Variants in SLC26A6 observed in about 807,000 individuals in gnomAD.
The protein encoded by SLC26A6 is anion exchange transporter.
In SLC26A6, 67 loss-of-function variants were observed where a neutral mutation model predicts 87.1. The ratio of observed to expected loss-of-function variants is 0.77; its 90% CI spans 0.63 to 0.94. The LOEUF is 0.94. Among genes scored for constraint, SLC26A6 ranks in the 40% least tolerant of loss-of-function variants. SLC26A6 has a pLI of 0.00. For missense variants in SLC26A6, 902 were observed against 973.0 expected (o/e 0.93, Z 0.97); for synonymous variants, 414 against 405.9 (o/e 1.02, Z -0.24).
At chr3:48,633,765 C>A (rs563160403) in intron 1 of SLC26A6, 130 bp from the exon 2 acceptor site, 23 of 1,490,578 alleles carry the variant, frequency 1.5e-5, no homozygotes, top group Non-Finnish European at 2.0e-5. Context: ...AGTATTCCAG[C>A]CCCCAGCTGG....
intron 4 of SLC26A6, 188 bp from the exon 5 acceptor site, chr3:48,632,584 G>A: frequency 1.3e-6 from 1 of 788,430 alleles, no homozygotes; most frequent in South Asian, 1.5e-5. Flanking sequence ...GAGCTCACAG[G>A]CCCTTAAGCA....
intron 7 of SLC26A6, 63 bp from the exon 8 acceptor site, chr3:48,631,369 C>G: frequency 6.8e-7 from 1 of 1,467,000 alleles, no homozygotes; most frequent in Non-Finnish European, 9.1e-7. Context: ...GACACATAAA[C>G]CACTGTGAGG....
chr3:48,632,126 G>A (rs1356523291), intron 5 of SLC26A6, 82 bp from the exon 6 acceptor site: 2 of 1,592,466 alleles, frequency 1.3e-6, no homozygotes, highest in Non-Finnish European at 8.6e-7. Flanking sequence ...GGGATGGGAG[G>A]GGGATGAGTA....
At chr3:48,629,170 G>A (rs375525206) in intron 14 of SLC26A6, among the ~76,000 whole-genome samples, 14 of 152,070 alleles carry the variant, frequency 9.2e-5, no homozygotes, top group South Asian at 8.3e-4. Flanking sequence ...ATTCCTCCCC[G>A]CACTGCCTAA....
At chr3:48,631,440 GAGAC>G (rs1298692994) in intron 7 of SLC26A6, 134 bp from the exon 8 acceptor site, 8 of 1,145,894 alleles carry the variant, frequency 7.0e-6, no homozygotes, top group South Asian at 6.5e-5. Context: ...CGTAGGGTGA[GAGAC>G]AGGCAACACC....
chr3:48,626,646 T>C lies in SLC26A6; in HGVS notation c.2113A>G (p.Met705Val), dbSNP rs1348803987. ...CCCTACTCACTGTGGCAGGCCGCCATGTACACCTCCACCTCAATCTCCCGG... is the reference window on the plus strand; with the variant it reads ...CCCTACTCACTGTGGCAGGCCGCCACGTACACCTCCACCTCAATCTCCCGG... ...DFREIEVEVY[M>V]AACHSPVVSQ... The change falls in exon 19 of 21, where the codon ATG (methionine) becomes GTG (valine). Residue 705 changes from methionine (M) to valine (V), a missense_variant. By Grantham distance (21) the Met-to-Val change is conservative (BLOSUM62 1). Coordinates refer to ENST00000395550, the MANE Select transcript of SLC26A6 (RefSeq NM_022911.3). 5.6e-6 allele frequency: 9 copies of C among 1,614,006 alleles called. No homozygotes were observed. Among genetic ancestry groups the C allele is most frequent in the East Asian group, 2.2e-5 (1 of 44,882 alleles).
Position 48,628,771 on chromosome 3 carries a change from G to C in SLC26A6, c.1600-57C>G. The C allele has an allele frequency of 6.4e-7, 1 of 1,572,356 alleles. No homozygotes were observed. The highest frequency in any genetic ancestry group is 8.7e-7 in the Non-Finnish European group (1 of 1,155,540). ...ATCTCCTCTCTCCTGGCTGCATCCTGTTCTCCTGCCTTTCCTTCCCTAGTG... is the reference window on the plus strand; with the variant it reads ...ATCTCCTCTCTCCTGGCTGCATCCTCTTCTCCTGCCTTTCCTTCCCTAGTG... On this transcript the variant is annotated intron_variant, in intron 14 of 20. Transcript: ENST00000395550. This position sits in a 1 kb window ranked among gnomAD's most constrained non-coding sequence, Gnocchi z 4.4.
Position 48,631,110 on chromosome 3 carries a change from CTGGG to C in SLC26A6, c.1013_1016del (p.Thr338SerfsTer30), listed in dbSNP as rs748765839. 13 of 1,613,716 alleles carry C rather than the reference CTGGG, an allele frequency of 8.1e-6. No homozygotes were observed. In the East Asian group the frequency reaches 2.9e-4, roughly 36 times the overall value. ...CGCTGCCCACGAGCTTTGAGAACAG[CTGGG>C]TGTTGGGGGCCACTGGGGGCACCAG... On this transcript the variant is annotated frameshift_variant, in exon 9 of 21. Transcript: ENST00000395550. LOFTEE classifies it high-confidence loss of function.
chr3:48,634,694 C>G (rs765941186), intron 1 of SLC26A6: 1 of 984,308 alleles, frequency 1.0e-6, no homozygotes, highest in Admixed American at 6.1e-5. Context: ...AAGCCCTGAC[C>G]TGGGGAGAGG....
In SLC26A6 at chr3:48,630,133, C is replaced by G. The variant is rs780553286; in HGVS notation, c.1351G>C (p.Val451Leu). 2 of 1,609,616 alleles carry G rather than the reference C, an allele frequency of 1.2e-6. No homozygotes were observed. Among genetic ancestry groups the G allele is most frequent in the African/African-American group, 2.7e-5 (2 of 74,954 alleles). Residue 451 changes from valine (V) to leucine (L), a missense_variant, in exon 12 of 21, where the codon GTG becomes CTG. Physicochemically the swap from Val to Leu is conservative, Grantham distance 32 (BLOSUM62 1). Coordinates refer to ENST00000395550, the MANE Select transcript of SLC26A6 (RefSeq NM_022911.3). ...TGCCTCAGCATGCCCTTCAGGTTCACAATGATGATGGCTGCCAGGACCGCC... is the reference window on the plus strand; with the variant it reads ...TGCCTCAGCATGCCCTTCAGGTTCAGAATGATGATGGCTGCCAGGACCGCC... Reference protein sequence around the residue: ...PKAVLAAIIIVNLKGMLRQLS... With the variant: ...PKAVLAAIIILNLKGMLRQLS...
At position 48,633,581 on chromosome 3, in the gene SLC26A6, C is replaced by T. The variant is rs2046873853; in HGVS notation, c.78G>A (p.Arg26=). The T allele has an allele frequency of 6.2e-7, 1 of 1,613,436 alleles. No homozygotes were observed. The highest frequency in any genetic ancestry group is 1.3e-5 in the African/African-American group (1 of 74,922). The change falls in exon 2 of 21, where the codon AGG becomes AGA. Residue 26 remains arginine, a synonymous_variant. Transcript: ENST00000395550. ...LSATQAMDLR[R]RDYHMERPLL... is the part of the protein sequence containing the mutation. ...GCGGCCGTTCCATGTGGTAGTCTCG[C>T]CTCCGCAGGTCCATTGCTTGTGTTG...
Position 48,627,072 on chromosome 3 carries a change from GC to G in SLC26A6, c.1894-18del. On this transcript the variant is annotated intron_variant, in intron 17 of 20. Transcript: ENST00000395550. Reference sequence around the variant, plus strand: ...GCTCACCTGCTGGGGAGCCAGACATGCTGCCAGGGCCACCCATGAGAGAGTG... The same window carrying G: ...GCTCACCTGCTGGGGAGCCAGACATGTGCCAGGGCCACCCATGAGAGAGTG... The G allele has an allele frequency of 6.2e-7, 1 of 1,608,168 alleles. No individual in the cohort carries two copies. Among genetic ancestry groups the G allele is most frequent in the South Asian group, 1.1e-5 (1 of 90,242 alleles).
rs779419583 is a variant in SLC26A6 at position 48,631,644 on chromosome 3, C to T, written c.903+5G>A. Reference sequence around the variant, plus strand: ...CCCCTGCCCTCCACTCCCTGGCCCTCGAACCGTGAGCAGCTCCCCGGGTAT... The same window carrying T: ...CCCCTGCCCTCCACTCCCTGGCCCTTGAACCGTGAGCAGCTCCCCGGGTAT... On this transcript the variant is annotated splice_donor_5th_base_variant and intron_variant, in intron 7 of 20. Coordinates refer to ENST00000395550, the MANE Select transcript of SLC26A6 (RefSeq NM_022911.3). The T allele has an allele frequency of 5.6e-6, 9 of 1,612,004 alleles. No homozygotes were observed. The Middle Eastern group carries it at 6.6e-4, about 118-fold the overall frequency.
chr3:48,626,053 A>C (rs1385321707), intron 20 of SLC26A6, 53 bp from the exon 21 acceptor site: 34 of 1,612,988 alleles, frequency 2.1e-5, no homozygotes, highest in Non-Finnish European at 6.8e-6. Context: ...GACACAGACC[A>C]ACCCCCGCCC....
rs1271433119 is a variant in SLC26A6 at position 48,634,816 on chromosome 3, A to C, written c.23+555T>G. 4 of 909,540 alleles carry C rather than the reference A, an allele frequency of 4.4e-6. No homozygotes were observed. The South Asian group carries it at 1.5e-4, about 35-fold the overall frequency. The allele number at this position is 909,540 out of a possible 1,614,324, so 56.3% of individuals were successfully genotyped here. A position where few individuals can be genotyped will look rare whatever the true frequency, so the allele number is the denominator to read the frequency against. On this transcript the variant is annotated intron_variant, in intron 1 of 20. Coordinates refer to ENST00000395550, the MANE Select transcript of SLC26A6 (RefSeq NM_022911.3). ...ATCCTCAGAGACTCTTGGGACCGCTATCTCAAGGAGATCGTAGAGCCCCCT... is the reference window on the plus strand; with the variant it reads ...ATCCTCAGAGACTCTTGGGACCGCTCTCTCAAGGAGATCGTAGAGCCCCCT...
Position 48,626,678 on chromosome 3 carries a change from T to C in SLC26A6, c.2081A>G (p.His694Arg), listed in dbSNP as rs387907500. 9 of 1,613,866 alleles carry C rather than the reference T, an allele frequency of 5.6e-6. No individual in the cohort carries two copies. The South Asian group carries it at 9.9e-5, about 18-fold the overall frequency. The change falls in exon 19 of 21, where the codon CAT becomes CGT. Residue 694 changes from histidine to arginine, a missense_variant. His to Arg is a conservative substitution (Grantham distance 29). Transcript: ENST00000395550. ...CTCCACCTCAATCTCCCGGAAGTCA[T>C]GGAAAATCTGTAGCGGAAAAGGGGG... Reference protein sequence around the residue: ...VCLKSLKNIFHDFREIEVEVY... With the variant: ...VCLKSLKNIFRDFREIEVEVY...
intron 7 of SLC26A6, 124 bp downstream of exon 7, chr3:48,631,522 CCCA>C: frequency 7.7e-7 from 1 of 1,295,120 alleles, no homozygotes; most frequent in Middle Eastern, 2.2e-4. Flanking sequence ...TGCTGTGCCC[CCCA>C]CAATACCCAA....
chr3:48,633,718 AC>A lies in SLC26A6; in HGVS notation c.24-84del, dbSNP rs1301965908. ...CACCTCCACCTAGGACCAGAGAGTT[AC>A]CTACCTGATTTTTCCAGGCCCTAAG... On this transcript the variant is annotated intron_variant, in intron 1 of 20. Transcript: ENST00000395550. 4 of 1,553,070 alleles carry A rather than the reference AC, an allele frequency of 2.6e-6. No individual in the cohort carries two copies. The African/African-American group carries it at 5.5e-5, about 21-fold the overall frequency.
chr3:48,633,049 CG>C lies in SLC26A6; in HGVS notation c.357del (p.Val120CysfsTer33), dbSNP rs1553623928. On this transcript the variant is annotated frameshift_variant, in exon 4 of 21. Coordinates refer to ENST00000395550, the MANE Select transcript of SLC26A6 (RefSeq NM_022911.3). LOFTEE classifies it high-confidence loss of function. ...LAYALLAGLP[P>X]VFGLYSSFYP... The stretch of plus-strand genomic sequence containing the variant: ...TAGAAGGAGCTATAGAGGCCAAACA[CG>C]GGGGGCAATCCAGCCAGGAGGGCGT... 1.2e-6 allele frequency: 2 copies of C among 1,613,398 alleles called. No individual in the cohort carries two copies. Among genetic ancestry groups the C allele is most frequent in the East Asian group, 2.2e-5 (1 of 44,890 alleles).
Sources: gnomAD v4.1 joint callset for allele counts (sites outside exome capture counted in the v4.1 genomes callset) on GRCh38, gnomAD v4.1.1 for gene constraint, Gnocchi (gnomAD v3.1) non-coding constraint, MANE v1.5 for transcripts, NCBI Gene and HGNC (gene_info 2026-07-23, HGNC 2026-07-21) for gene names.